KANTR: variants seen among roughly 807,000 people sequenced by gnomAD.
KANTR encodes the protein KANTR integral membrane protein, also known as KDM5C adjacent transcript.
chrX:53,143,320 T>C (rs782151666), downstream of KANTR: 9 of 622,793 alleles, frequency 1.4e-5, no homozygotes, highest in South Asian at 1.8e-4. Context: ...TTGGCCGTGA[T>C]GGTGAAGCTT....
downstream of KANTR, among the ~76,000 whole-genome samples, chrX:53,128,858 C>A (rs1273157672): frequency 4.8e-5 from 2 of 41,345 alleles, no homozygotes; most frequent in African/African-American, 1.0e-4. Flanking sequence ...TACTCCCCAC[C>A]CAAAGAATTC....
chrX:53,143,519 A>G, downstream of KANTR: 3 of 609,621 alleles, frequency 4.9e-6, no homozygotes, highest in Admixed American at 2.3e-5. Context: ...GGCCACATAC[A>G]TGGCTGGGGT....
At chrX:53,105,443 C>G (rs1433941023) in intron 2 of KANTR, among the ~76,000 whole-genome samples, 1 of 110,047 alleles carries the variant, frequency 9.1e-6, no homozygotes, top group African/African-American at 3.3e-5. Context: ...AAATTCTTAG[C>G]CCATTTTTAA....
At chrX:53,135,828 A>C (rs1933413772) in intron 2 of KANTR, among the ~76,000 whole-genome samples, 1 of 111,833 alleles carries the variant, frequency 8.9e-6, no homozygotes, top group Middle Eastern at 4.2e-3. Flanking sequence ...GGATGCTCCC[A>C]TTAAAATCAA....
intron 2 of KANTR, among the ~76,000 whole-genome samples, chrX:53,102,049 T>C (rs1556811961): frequency 3.8e-5 from 4 of 105,085 alleles, no homozygotes; most frequent in African/African-American, 1.0e-4. Context: ...ATAACAGATA[T>C]AAGAAAAGTT....
chrX:53,145,398 G>T (rs782043129), downstream of KANTR, among the ~76,000 whole-genome samples: 3 of 111,982 alleles, frequency 2.7e-5, no homozygotes, highest in South Asian at 1.1e-3. Context: ...ACAGATTCTC[G>T]CTCATTGCTA....
intron 1 of KANTR, among the ~76,000 whole-genome samples, chrX:53,096,705 G>C (rs1264663599): frequency 9.2e-6 from 1 of 109,211 alleles, no homozygotes; most frequent in African/African-American, 3.3e-5. Context: ...GCACGCCTGT[G>C]GTCCCAGCTA....
At chrX:53,106,298 T>C (rs73208457) in intron 2 of KANTR, among the ~76,000 whole-genome samples, 3,394 of 110,851 alleles carry the variant, frequency 0.031, 85 homozygotes, top group Non-Finnish European at 0.05. Flanking sequence ...TTTGGTGTTA[T>C]ATCCAATAAA....
At chrX:53,116,247 T>G (rs1933121972) in intron 2 of KANTR, among the ~76,000 whole-genome samples, 1 of 112,018 alleles carries the variant, frequency 8.9e-6, no homozygotes, top group African/African-American at 3.2e-5. Flanking sequence ...CCTGTACATC[T>G]TCCAACCCTT....
At chrX:53,094,170 C>G (rs986071629) in exon 1 of KANTR, 10 of 113,209 alleles carry the variant, frequency 8.8e-5, no homozygotes, top group Non-Finnish European at 1.7e-4. Context: ...TGCCCCTGCT[C>G]GCGCTGCAGC....
chrX:53,115,581 G>T (rs1933111678), intron 2 of KANTR, among the ~76,000 whole-genome samples: 2 of 113,120 alleles, frequency 1.8e-5, no homozygotes, highest in African/African-American at 6.4e-5. Context: ...AGGCCTGGAG[G>T]CTCGGTCTGC....
chrX:53,122,654 G>T (rs1933242807), intron 2 of KANTR, among the ~76,000 whole-genome samples: 1 of 111,601 alleles, frequency 9.0e-6, no homozygotes, highest in Admixed American at 9.5e-5. Context: ...TAATGAAAGG[G>T]TGTTGAATTT....
chrX:53,136,693 C>CGCATATATATATATATAT (rs1182737178), intron 2 of KANTR, among the ~76,000 whole-genome samples: 1 of 9,300 alleles, frequency 1.1e-4, no homozygotes, highest in East Asian at 3.4e-3. Flanking sequence ...CCACGCCCGG[C>CGCATATATATATATATAT]ATATATATAT....
downstream of KANTR, among the ~76,000 whole-genome samples, chrX:53,130,095 G>T (rs1933342952): frequency 9.0e-6 from 1 of 110,785 alleles, no homozygotes; most frequent in East Asian, 2.8e-4. Flanking sequence ...TCAAGCTCCG[G>T]GCCTGAAGTG....
intron 2 of KANTR, among the ~76,000 whole-genome samples, chrX:53,136,061 A>G (rs1286055850): frequency 8.9e-6 from 1 of 111,772 alleles, no homozygotes; most frequent in African/African-American, 3.3e-5. Context: ...CACATTAGCG[A>G]ACATATGTCA....
intron 2 of KANTR, among the ~76,000 whole-genome samples, chrX:53,106,371 T>C (rs1230408892): frequency 9.1e-6 from 1 of 109,890 alleles, no homozygotes; most frequent in Non-Finnish European, 1.9e-5. Context: ...ATTTTATCGT[T>C]TTAGCTCTTA....
intron 2 of KANTR, among the ~76,000 whole-genome samples, chrX:53,117,215 G>GAGA (rs377499843): frequency 9.2e-4 from 102 of 111,197 alleles, no homozygotes; most frequent in Middle Eastern, 4.7e-3. Context: ...CCAAGAGGAG[G>GAGA]TTGCAGGGAG....
downstream of KANTR, among the ~76,000 whole-genome samples, chrX:53,132,289 G>A (rs1172961834): frequency 2.7e-5 from 3 of 111,764 alleles, no homozygotes; most frequent in African/African-American, 9.8e-5. Flanking sequence ...CTGGTACAGT[G>A]TGTAGAAACC....
downstream of KANTR, among the ~76,000 whole-genome samples, chrX:53,146,590 C>T (rs1382568037): frequency 3.6e-5 from 4 of 111,688 alleles, no homozygotes; most frequent in East Asian, 2.8e-4. Context: ...GGAGAACTTC[C>T]CCAATCTAGC....
Sources: allele counts gnomAD v4.1 joint callset (sites outside exome capture counted in the v4.1 genomes callset), GRCh38; gene constraint gnomAD v4.1.1; transcripts MANE v1.5; gene names NCBI Gene and HGNC (gene_info 2026-07-23, HGNC 2026-07-21).